Variants in POLN observed in about 807,000 individuals in gnomAD.
POLN encodes DNA polymerase nu, also known as DNA polymerase N.
Under a neutral mutation model 113.5 loss-of-function variants are expected in POLN, and 108 were observed. The observed-to-expected ratio is 0.95, with a 90% CI of 0.81 to 1.12. POLN has a LOEUF of 1.12. Among genes scored for constraint, POLN ranks in the 50% most tolerant of loss-of-function variants. The pLI is 0.00. For synonymous variants in POLN, 386 were observed against 391.5 expected (o/e 0.99, Z 0.17); for missense variants, 1,097 against 1,077.1 (o/e 1.02, Z -0.26).
intron 7 of POLN, among the ~76,000 whole-genome samples, chr4:2,189,049 T>C (rs898292843): frequency 1.3e-5 from 2 of 152,176 alleles, no homozygotes; most frequent in African/African-American, 4.8e-5. Flanking sequence ...TTACTGGTTT[T>C]TGTAACCACA....
chr4:2,241,096 A>AG, intron 2 of POLN: 3 of 604,876 alleles, frequency 5.0e-6, no homozygotes, highest in Admixed American at 3.5e-5. Flanking sequence ...GATTCCTCCT[A>AG]GGGGGGAAGA....
At chr4:2,176,204 G>T in intron 9 of POLN, 62 bp downstream of exon 9, 1 of 1,325,668 alleles carries the variant, frequency 7.5e-7, no homozygotes, top group Non-Finnish European at 1.1e-6. Context: ...GAGTGCGGGT[G>T]CCAATGAAAA....
At chr4:2,212,960 T>C (rs962906909) in intron 4 of POLN, 87 bp downstream of exon 4, 3 of 818,894 alleles carry the variant, frequency 3.7e-6, no homozygotes, top group Non-Finnish European at 5.4e-6. Context: ...GTATCTACAG[T>C]GCCTAGCACA....
At chr4:2,088,805 CTTAT>C (rs1380893736) in intron 20 of POLN, 9 of 1,396,368 alleles carry the variant, frequency 6.4e-6, no homozygotes, top group Non-Finnish European at 6.9e-6. Context: ...TACAAGAGGA[CTTAT>C]TTCTTTGTCC....
intron 19 of POLN, among the ~76,000 whole-genome samples, chr4:2,123,603 C>G (rs1458223813): frequency 2.3e-5 from 3 of 127,706 alleles, no homozygotes; most frequent in African/African-American, 3.0e-5. Context: ...CCAGTCTGGG[C>G]GACAGGGTGA....
At chr4:2,232,244 G>T in intron 2 of POLN, 3 of 617,414 alleles carry the variant, frequency 4.9e-6, no homozygotes, top group Non-Finnish European at 8.0e-6. Flanking sequence ...TACATGGAAA[G>T]ACTTTAAAGG....
chr4:2,212,965 A>T, intron 4 of POLN, 82 bp downstream of exon 4: 1 of 916,114 alleles, frequency 1.1e-6, no homozygotes, highest in Non-Finnish European at 1.6e-6. Flanking sequence ...TACAGTGCCT[A>T]GCACACAGTA....
At chr4:2,143,127 A>C (rs779197059) in intron 16 of POLN, among the ~76,000 whole-genome samples, 4 of 152,316 alleles carry the variant, frequency 2.6e-5, no homozygotes, top group Non-Finnish European at 5.9e-5. Context: ...ACATGAGAAA[A>C]AAGAAAAAGT....
intron 2 of POLN, among the ~76,000 whole-genome samples, chr4:2,235,717 G>A (rs1470597300): frequency 6.6e-6 from 1 of 152,060 alleles, no homozygotes; most frequent in Non-Finnish European, 1.5e-5. Context: ...AAAGTTCAAC[G>A]ACATATAAAA....
chr4:2,154,246 C>A (rs1732369446), intron 16 of POLN, among the ~76,000 whole-genome samples: 3 of 137,042 alleles, frequency 2.2e-5, no homozygotes, highest in African/African-American at 8.1e-5. Flanking sequence ...TATGGCAAAC[C>A]AGAATATATA....
chr4:2,153,614 C>T (rs572183717), intron 16 of POLN, among the ~76,000 whole-genome samples: 12 of 150,380 alleles, frequency 8.0e-5, no homozygotes, highest in Admixed American at 2.0e-4. Context: ...GATGGAGTCT[C>T]GCTCTGTCAC....
chr4:2,080,245 G>A, intron 23 of POLN: 2 of 987,690 alleles, frequency 2.0e-6, no homozygotes, highest in Non-Finnish European at 2.4e-6. Flanking sequence ...AGGAGGAGGT[G>A]GCTGGGCGAG....
chr4:2,132,405 T>C (rs941111568), intron 16 of POLN, among the ~76,000 whole-genome samples: 8 of 152,164 alleles, frequency 5.3e-5, no homozygotes, highest in Non-Finnish European at 7.4e-5. Context: ...AGAAAGAGAA[T>C]TGTGCAGAAA....
intron 2 of POLN, among the ~76,000 whole-genome samples, chr4:2,239,602 T>G (rs1734897147): frequency 6.6e-6 from 1 of 152,198 alleles, no homozygotes; most frequent in Admixed American, 6.5e-5. Context: ...TATCCATATA[T>G]TCTCAAAAAG....
At chr4:2,188,080 C>T (rs1331089297) in intron 7 of POLN, among the ~76,000 whole-genome samples, 1 of 152,194 alleles carries the variant, frequency 6.6e-6, no homozygotes, top group Non-Finnish European at 1.5e-5. Context: ...CACACCACTG[C>T]ATTCCAGCCT....
chr4:2,148,897 A>G (rs1732219548), intron 16 of POLN, among the ~76,000 whole-genome samples: 1 of 152,204 alleles, frequency 6.6e-6, no homozygotes, highest in Non-Finnish European at 1.5e-5. Flanking sequence ...ATGTGAGAAG[A>G]AAGTAACATC....
At chr4:2,107,328 A>T (rs1731088195) in intron 19 of POLN, among the ~76,000 whole-genome samples, 1 of 152,138 alleles carries the variant, frequency 6.6e-6, no homozygotes, top group African/African-American at 2.4e-5. Flanking sequence ...AGCTTGTCTC[A>T]TTATTTCATC....
rs1423558356 is a variant in POLN at position 2,127,182 on chromosome 4, C to T, written c.1982+931G>A. ...AGGGGTGAGGGGGCCGTAGGGGGAG[C>T]AGAAGAGGCCCAAGGTGATGGGGAG... On this transcript the variant is annotated intron_variant, in intron 19 of 25. Transcript: ENST00000511885. This position sits in a 1 kb window ranked among gnomAD's most constrained non-coding sequence, Gnocchi z 4.7. 6.6e-6 allele frequency among the ~76,000 whole-genome samples: 1 copy of T among 150,850 alleles called. No homozygotes were observed. The highest frequency in any genetic ancestry group is 1.5e-5 in the Non-Finnish European group (1 of 67,696).
intron 2 of POLN, among the ~76,000 whole-genome samples, chr4:2,233,680 C>T (rs1734659839): frequency 6.6e-6 from 1 of 151,914 alleles, no homozygotes; most frequent in Non-Finnish European, 1.5e-5. Flanking sequence ...TAACATATGC[C>T]CAAGAGTGGT....
Sources: allele counts gnomAD v4.1 joint callset (sites outside exome capture counted in the v4.1 genomes callset), GRCh38; gene constraint gnomAD v4.1.1; non-coding constraint Gnocchi (gnomAD v3.1); transcripts MANE v1.5; gene names NCBI Gene and HGNC (gene_info 2026-07-23, HGNC 2026-07-21).